Variants in COL4A4 observed in about 807,000 individuals in gnomAD.
COL4A4 encodes collagen type IV alpha 4 chain, also known as collagen alpha-4(IV) chain.
In COL4A4, 105 loss-of-function variants were observed where a neutral mutation model predicts 192.9. The ratio of observed to expected loss-of-function variants is 0.54; its 90% CI spans 0.46 to 0.64. The LOEUF is 0.64. Ranked by LOEUF, COL4A4 falls within the 30% of genes least tolerant of loss-of-function variation. The probability of loss-of-function intolerance (pLI) is 0.00; values close to 1 mark genes in which losing one functional copy is unlikely to be tolerated. For missense variants in COL4A4, 1,967 were observed against 2,169.3 expected, an observed-to-expected ratio of 0.91 and a Z score of 1.85; for synonymous variants, 762 against 769.9, an observed-to-expected ratio of 0.99 and a Z score of 0.17.
intron 44 of COL4A4, among the ~76,000 whole-genome samples, chr2:227,012,646 A>AAAAAC (rs1964014963): frequency 6.6e-6 from 1 of 151,938 alleles, no homozygotes; most frequent in Admixed American, 6.6e-5. Context: ...AAAAAAAAAA[A>AAAAAC]AAACTACTGA....
In COL4A4 at chr2:227,118,710, T is replaced by C; in HGVS notation, c.424A>G (p.Asn142Asp). 6 of 1,614,088 alleles carry C rather than the reference T, an allele frequency of 3.7e-6. No homozygotes were observed. The highest frequency in any genetic ancestry group is 5.1e-6 in the Non-Finnish European group (6 of 1,180,020). ...AACCCTGGGTCACCTCTTGAGCCAT[T>C]GTGGCCACTCATACCAGGTTTGCCT... ...PRGKPGMSGH[N>D]GSRGDPGFPG... Residue 142 changes from asparagine (N) to aspartate (D), a missense_variant, in exon 7 of 48, where the codon AAT (asparagine) becomes GAT (aspartate). Asn to Asp is a conservative substitution (Grantham distance 23). Transcript: ENST00000396625.
At chr2:227,152,930 A>C (rs2125456469) in intron 1 of COL4A4, among the ~76,000 whole-genome samples, 1 of 152,314 alleles carries the variant, frequency 6.6e-6, no homozygotes, top group Non-Finnish European at 1.5e-5. Flanking sequence ...ACTGCTAATA[A>C]ATACACACCT....
the COL4A4 span, among the ~76,000 whole-genome samples, chr2:226,985,815 C>T: frequency 2.0e-5 from 3 of 152,258 alleles, no homozygotes; most frequent in East Asian, 3.8e-4. Context: ...ACCACTATAT[C>T]CTACTCATGC....
rs550376345 is a variant in COL4A4 at position 227,138,666 on chromosome 2, T to A, written c.192+1495A>T. ...AAAAAAAAAAAGAAAAAGCTCAAGATAAATTCTGATGAACAAAATTTTTGA... is the reference window on the plus strand; with the variant it reads ...AAAAAAAAAAAGAAAAAGCTCAAGAAAAATTCTGATGAACAAAATTTTTGA... On this transcript the variant is annotated intron_variant, in intron 4 of 47. Transcript: ENST00000396625. 5.4e-4 allele frequency among the ~76,000 whole-genome samples: 82 copies of A among 151,116 alleles called. No individual in the cohort carries two copies. In the South Asian group the frequency reaches 0.014, roughly 25 times the overall value.
chr2:226,993,604 G>A, the COL4A4 span, among the ~76,000 whole-genome samples: 4 of 152,134 alleles, frequency 2.6e-5, no homozygotes, highest in Non-Finnish European at 5.9e-5. Flanking sequence ...GTTTTTTGGG[G>A]TGTTTATTTT....
At chr2:227,009,729 GAGAAAAGAGAAGAGAAGAGAGA>G (rs1963173267) in intron 46 of COL4A4, among the ~76,000 whole-genome samples, 1 of 46,748 alleles carries the variant, frequency 2.1e-5, no homozygotes, top group African/African-American at 9.1e-5. Flanking sequence ...GAGAAGAGAA[GAGAAAAGAGAAGAGAAGAGAGA>G]AGAGAAGAGG....
intron 4 of COL4A4, among the ~76,000 whole-genome samples, chr2:227,139,691 A>G (rs2063066283): frequency 6.6e-6 from 1 of 152,232 alleles, no homozygotes; most frequent in South Asian, 2.1e-4. Flanking sequence ...TGCCTGGCAC[A>G]TAACAAGCAT....
intron 24 of COL4A4, among the ~76,000 whole-genome samples, chr2:227,078,466 C>T (rs925889914): frequency 7.2e-5 from 11 of 152,100 alleles, no homozygotes; most frequent in African/African-American, 2.7e-4. Flanking sequence ...TGGTCTCAAA[C>T]CCCTGACCTC....
intron 4 of COL4A4, among the ~76,000 whole-genome samples, chr2:227,139,032 A>T (rs868126790): frequency 6.6e-6 from 1 of 152,188 alleles, no homozygotes; most frequent in African/African-American, 2.4e-5. Context: ...GAGATGGGGT[A>T]TTTGGGAGGT....
At chr2:227,124,235 GC>G (rs2125076059) in intron 4 of COL4A4, among the ~76,000 whole-genome samples, 1 of 152,248 alleles carries the variant, frequency 6.6e-6, no homozygotes, top group South Asian at 2.1e-4. Context: ...GAAAACACAA[GC>G]CAGGGCAATT....
chr2:227,091,247 CAGATATAGATATAGATATAGATAT>C (rs58703873), intron 20 of COL4A4, among the ~76,000 whole-genome samples: 441 of 142,422 alleles, frequency 3.1e-3, no homozygotes, highest in African/African-American at 0.011. Flanking sequence ...AATTGAAAAA[CAGATATAGATATAGATATAGATAT>C]AGATATAGAT....
intron 2 of COL4A4, 55 bp from the exon 3 acceptor site, chr2:227,144,613 A>C (rs1027217964): frequency 7.3e-7 from 1 of 1,369,102 alleles, no homozygotes; most frequent in African/African-American, 1.4e-5. Context: ...CATGTGAAAC[A>C]AAAAGAAAAA....
At chr2:227,157,892 T>C (rs372426882) in intron 1 of COL4A4, among the ~76,000 whole-genome samples, 35 of 152,200 alleles carry the variant, frequency 2.3e-4, no homozygotes, top group African/African-American at 8.2e-4. Flanking sequence ...AAGAGAGTGC[T>C]GGCCAACTTA....
rs192709857 is a variant in COL4A4, at chr2:227,045,810, A to G, written c.3289+1665T>C. Among the ~76,000 whole-genome samples the G allele has an allele frequency of 3.2e-5, 2 of 63,162 alleles. 1 individual carries two copies. The highest frequency in any genetic ancestry group is 5.7e-5 in the Non-Finnish European group (2 of 35,144). The allele number at this position is 63,162 out of a possible 152,430, so 41.4% of individuals were successfully genotyped here. A position where few individuals can be genotyped will look rare whatever the true frequency, so the allele number is the denominator to read the frequency against. ...TATATATATATATACACATATATATATATATACACATATATATATATACAC... is the reference window on the plus strand; with the variant it reads ...TATATATATATATACACATATATATGTATATACACATATATATATATACAC... On this transcript the variant is annotated intron_variant, in intron 35 of 47. Transcript: ENST00000396625.
intron 44 of COL4A4, among the ~76,000 whole-genome samples, chr2:227,013,827 C>T (rs1964320382): frequency 6.6e-6 from 1 of 152,166 alleles, no homozygotes; most frequent in African/African-American, 2.4e-5. Flanking sequence ...GATGATAAAG[C>T]TGAGGATGCC....
chr2:227,070,575 T>C (rs1224084255), intron 25 of COL4A4, among the ~76,000 whole-genome samples: 1 of 152,036 alleles, frequency 6.6e-6, no homozygotes, highest in Non-Finnish European at 1.5e-5. Context: ...TGTAGGGACA[T>C]GGATGAAACT....
intron 25 of COL4A4, among the ~76,000 whole-genome samples, chr2:227,068,290 C>T (rs993180329): frequency 4.6e-5 from 7 of 152,094 alleles, no homozygotes; most frequent in Non-Finnish European, 7.4e-5. Context: ...ACCAGAGGTA[C>T]AAGGAGGAAC....
At chr2:226,968,649 G>A in the COL4A4 span, among the ~76,000 whole-genome samples, 11 of 152,282 alleles carry the variant, frequency 7.2e-5, no homozygotes, top group African/African-American at 1.4e-4. Context: ...GAATGTTTGC[G>A]CACTCTCTCC....
At chr2:227,149,212 A>G (rs1337816844) in intron 1 of COL4A4, among the ~76,000 whole-genome samples, 3 of 152,198 alleles carry the variant, frequency 2.0e-5, no homozygotes, top group Non-Finnish European at 4.4e-5. Flanking sequence ...TATGTATGGA[A>G]GACTTGTTTC....
Sources: allele counts gnomAD v4.1 joint callset (sites outside exome capture counted in the v4.1 genomes callset), GRCh38; gene constraint gnomAD v4.1.1; transcripts MANE v1.5; gene names NCBI Gene and HGNC (gene_info 2026-07-23, HGNC 2026-07-21).